Variants in TECRL observed in about 807,000 individuals in gnomAD.
The protein encoded by TECRL is trans-2,3-enoyl-CoA reductase like, also known as trans-2,3-enoyl-CoA reductase-like.
A neutral mutation model predicts 52.8 loss-of-function variants in TECRL; 63 were observed. That is an observed-to-expected ratio of 1.19 (90% CI 0.97 to 1.47). The LOEUF is 1.47. Among genes scored for constraint, TECRL ranks in the 40% most tolerant of loss-of-function variants. The probability of loss-of-function intolerance (pLI) is 0.00; values close to 1 mark genes in which losing one functional copy is unlikely to be tolerated. For synonymous variants in TECRL, 164 were observed against 141.9 expected (o/e 1.16, Z -1.10); for missense variants, 482 against 429.6 (o/e 1.12, Z -1.08).
rs563319142 is a variant in TECRL, at chr4:64,304,516, G to T, written c.730+650C>A. ...CCAGAAATAGCCCACAAAAATAATT[G>T]TCAAATAAATGAGAAATCATTTAAT... On this transcript the variant is annotated intron_variant, in intron 7 of 11. Coordinates refer to ENST00000381210, the MANE Select transcript of TECRL (RefSeq NM_001010874.5). 2.6e-5 allele frequency among the ~76,000 whole-genome samples: 4 copies of T among 152,042 alleles called. No homozygotes were observed. The South Asian group carries it at 8.3e-4, about 32-fold the overall frequency.
intron 2 of TECRL, among the ~76,000 whole-genome samples, chr4:64,335,344 G>A (rs1185282917): frequency 6.6e-6 from 1 of 152,162 alleles, no homozygotes; most frequent in Non-Finnish European, 1.5e-5. Context: ...TGCTCCTTAT[G>A]AGAATCTAAT....
chr4:64,295,070 C>A (rs941655318), intron 8 of TECRL, among the ~76,000 whole-genome samples: 15 of 151,532 alleles, frequency 9.9e-5, no homozygotes, highest in Admixed American at 2.0e-4. Context: ...GTACTTTCTG[C>A]ACTTTTATTA....
chr4:64,405,148 T>C (rs1665196878), intron 1 of TECRL, among the ~76,000 whole-genome samples: 1 of 152,098 alleles, frequency 6.6e-6, no homozygotes, highest in Non-Finnish European at 1.5e-5. Flanking sequence ...TAATAAAAAA[T>C]GTTGGCTAGC....
chr4:64,279,620 A>C lies in TECRL; in HGVS notation c.*452T>G. ...GTCACCTTAATTAGGATGAGATGAT[A>C]TCTCATTGTGGTTTTGATTTGCATT... On this transcript the variant is annotated 3_prime_UTR_variant, in exon 12 of 12. Coordinates refer to ENST00000381210, the MANE Select transcript of TECRL (RefSeq NM_001010874.5). The C allele has an allele frequency of 8.3e-6, 2 of 240,888 alleles. No individual in the cohort carries two copies. Among genetic ancestry groups the C allele is most frequent in the African/African-American group, 2.3e-5 (1 of 43,074 alleles). The allele number at this position is 240,888 out of a possible 1,614,324, so 14.9% of individuals were successfully genotyped here. A position where few individuals can be genotyped will look rare whatever the true frequency, so the allele number is the denominator to read the frequency against.
chr4:64,349,616 T>C (rs995544117), intron 2 of TECRL, among the ~76,000 whole-genome samples: 4 of 152,192 alleles, frequency 2.6e-5, no homozygotes, highest in Non-Finnish European at 5.9e-5. Flanking sequence ...GAATTATGAC[T>C]CAGGGCATAG....
chr4:64,361,164 C>T (rs1347469012), intron 2 of TECRL, among the ~76,000 whole-genome samples: 1 of 152,118 alleles, frequency 6.6e-6, no homozygotes, highest in African/African-American at 2.4e-5. Flanking sequence ...CCATAGCTTT[C>T]ACCAGCTGAC....
In TECRL at chr4:64,299,960, T is replaced by C. The variant is rs745982273; in HGVS notation, c.774+14A>G. The C allele has an allele frequency of 6.5e-7, 1 of 1,528,454 alleles. No homozygotes were observed. Among genetic ancestry groups the C allele is most frequent in the Non-Finnish European group, 8.8e-7 (1 of 1,129,946 alleles). 94.7% of individuals were successfully genotyped at this position (1,528,454 alleles called of 1,614,324 possible). ...ATTAGAGCGTGAATAGCAAAATATA[T>C]ATATGATACATACCAGAAAATTGAT... On this transcript the variant is annotated intron_variant, in intron 8 of 11. Transcript: ENST00000381210.
chr4:64,379,292 C>T (rs555332040), intron 1 of TECRL, among the ~76,000 whole-genome samples: 4 of 148,550 alleles, frequency 2.7e-5, no homozygotes, highest in Non-Finnish European at 6.0e-5. Flanking sequence ...ACACACTTGA[C>T]CCTTGAACAA....
At chr4:64,347,367 C>A (rs1720064578) in intron 2 of TECRL, among the ~76,000 whole-genome samples, 1 of 152,188 alleles carries the variant, frequency 6.6e-6, no homozygotes, top group Non-Finnish European at 1.5e-5. Flanking sequence ...CATGTGACAA[C>A]TTTATTCTGG....
chr4:64,327,752 C>T (rs1718359795), intron 3 of TECRL, among the ~76,000 whole-genome samples: 1 of 151,840 alleles, frequency 6.6e-6, no homozygotes, highest in Non-Finnish European at 1.5e-5. Context: ...AATCATTTGT[C>T]TTTAAGTGCA....
At chr4:64,285,432 A>T (rs1456258697) in intron 9 of TECRL, among the ~76,000 whole-genome samples, 1 of 152,068 alleles carries the variant, frequency 6.6e-6, no homozygotes, top group Non-Finnish European at 1.5e-5. Context: ...GCCACCTGAG[A>T]ACATGACTCA....
intron 7 of TECRL, among the ~76,000 whole-genome samples, chr4:64,304,017 T>A (rs1263849059): frequency 6.6e-6 from 1 of 151,856 alleles, no homozygotes; most frequent in Non-Finnish European, 1.5e-5. Context: ...AAAATAATGT[T>A]TTTAATTAAA....
intron 5 of TECRL, 152 bp from the exon 6 acceptor site, chr4:64,310,083 T>G: frequency 3.7e-6 from 2 of 535,132 alleles, no homozygotes; most frequent in South Asian, 5.3e-5. Flanking sequence ...CTTTAATATT[T>G]TATTTTCACA....
At chr4:64,328,489 C>T (rs1211279824) in intron 3 of TECRL, 23 bp downstream of exon 3, 1 of 1,602,198 alleles carries the variant, frequency 6.2e-7, no homozygotes, top group South Asian at 1.1e-5. Context: ...TAAATAAACA[C>T]ATCAGTGAAA....
chr4:64,334,030 C>CAA (rs4034910), intron 2 of TECRL, among the ~76,000 whole-genome samples: 13,413 of 27,986 alleles, frequency 0.48, 3,957 homozygotes, highest in East Asian at 0.77. Context: ...GACTCCGTCT[C>CAA]AAAAAAAAAA....
chr4:64,287,074 A>C (rs1346039627), intron 9 of TECRL, among the ~76,000 whole-genome samples: 1 of 152,136 alleles, frequency 6.6e-6, no homozygotes, highest in Non-Finnish European at 1.5e-5. Flanking sequence ...AATGGCATTC[A>C]ATCTCTTAAT....
At chr4:64,406,849 T>G (rs1300698542) in intron 1 of TECRL, among the ~76,000 whole-genome samples, 1 of 152,002 alleles carries the variant, frequency 6.6e-6, no homozygotes, top group African/African-American at 2.4e-5. Context: ...AAGCAACATT[T>G]CTTTTGTACA....
At chr4:64,375,400 T>C (rs1722328298) in intron 1 of TECRL, among the ~76,000 whole-genome samples, 177 bp from the exon 2 acceptor site, 1 of 151,970 alleles carries the variant, frequency 6.6e-6, no homozygotes, top group African/African-American at 2.4e-5. Context: ...TCAGTAACAA[T>C]ATAATTTTTT....
Position 64,409,320 on chromosome 4 carries a change from T to C in TECRL, c.32A>G (p.Glu11Gly), listed in dbSNP as rs1560569313. 2 of 1,613,710 alleles carry C rather than the reference T, an allele frequency of 1.2e-6. No individual in the cohort carries two copies. The highest frequency in any genetic ancestry group is 1.7e-6 in the Non-Finnish European group (2 of 1,179,736). ...TTGGGAAAGTAATGCTCTCTTGCGT[T>C]CCGAAGCGAGGGACTTGTGCCTTTT... The part of the protein sequence containing the change: MFKRHKSLAS[E>G]RKRALLSQRA... Residue 11 changes from glutamate to glycine, a missense_variant, in exon 1 of 12, where the codon GAA (glutamate) becomes GGA (glycine). Coordinates refer to ENST00000381210, the MANE Select transcript of TECRL (RefSeq NM_001010874.5).
Sources: allele counts gnomAD v4.1 joint callset (sites outside exome capture counted in the v4.1 genomes callset), GRCh38; gene constraint gnomAD v4.1.1; transcripts MANE v1.5; gene names NCBI Gene and HGNC (gene_info 2026-07-23, HGNC 2026-07-21).